SATB2: variants seen among roughly 807,000 people sequenced by gnomAD.
SATB2 encodes DNA-binding protein SATB2.
SATB2 carries 1 observed loss-of-function variant against 73.4 expected under a neutral mutation model. That is an observed-to-expected ratio of 0.01 (90% CI 0.00 to 0.06). The LOEUF is 0.06. Among genes scored for constraint, SATB2 ranks in the 10% least tolerant of loss-of-function variants. SATB2 has a pLI of 1.00. For missense variants in SATB2, 459 were observed against 945.8 expected, an observed-to-expected ratio of 0.49 and a Z score of 6.75; for synonymous variants, 397 against 367.0, an observed-to-expected ratio of 1.08 and a Z score of -0.93.
At chr2:199,390,035 G>T (rs1055580926) in intron 3 of SATB2, among the ~76,000 whole-genome samples, 3 of 151,464 alleles carry the variant, frequency 2.0e-5, no homozygotes, top group African/African-American at 7.3e-5. Flanking sequence ...ACTTTTATTA[G>T]ATTATTTAAT....
rs558540801 is a variant in SATB2, at chr2:199,407,543, A to C, written c.347-25723T>G. On this transcript the variant is annotated intron_variant, in intron 3 of 10. Transcript: ENST00000417098. ...AACCTCTAACTTTGACAAAGTTATT[A>C]AGTGAAGTCAGGAACTCAATGATGA... 9.5e-4 allele frequency among the ~76,000 whole-genome samples: 145 copies of C among 152,310 alleles called. 1 individual carries two copies. Among genetic ancestry groups the C allele is most frequent in the Non-Finnish European group, 9.4e-4 (64 of 68,016 alleles).
chr2:199,366,479 G>A (rs1195282771), intron 6 of SATB2, among the ~76,000 whole-genome samples: 1 of 151,692 alleles, frequency 6.6e-6, no homozygotes, highest in East Asian at 1.9e-4. Context: ...CACTTCTCTG[G>A]GTGTTTATTT....
At chr2:199,286,929 T>G (rs1692706828) in intron 10 of SATB2, among the ~76,000 whole-genome samples, 1 of 152,176 alleles carries the variant, frequency 6.6e-6, no homozygotes, top group Admixed American at 6.6e-5. Flanking sequence ...AAGAAGATAC[T>G]CTTAAGTTAA....
At chr2:199,432,019 G>C (rs1433817550) in intron 3 of SATB2, among the ~76,000 whole-genome samples, 1 of 152,192 alleles carries the variant, frequency 6.6e-6, no homozygotes, top group East Asian at 1.9e-4. Context: ...ATCAAATCGT[G>C]AATCCCTCAC....
chr2:199,403,883 T>C (rs1474189892), intron 3 of SATB2, among the ~76,000 whole-genome samples: 2 of 152,192 alleles, frequency 1.3e-5, no homozygotes, highest in African/African-American at 4.8e-5. Flanking sequence ...AGCAAACATC[T>C]ACACAGTGCC....
chr2:199,381,591 T>C (rs754257667), intron 4 of SATB2, 103 bp downstream of exon 4: 38 of 1,482,092 alleles, frequency 2.6e-5, no homozygotes, highest in Non-Finnish European at 3.3e-5. Flanking sequence ...TTTTGTCCAA[T>C]GTCCAGAAAT....
In SATB2 at chr2:199,348,471, T is replaced by A. The variant is rs1008877542; in HGVS notation, c.1173+230A>T. ...GTAACATTTGGGGTCCTGAGTTGCATGTTGGGTTCAAAGATGTCCATTACC... is the reference window on the plus strand; with the variant it reads ...GTAACATTTGGGGTCCTGAGTTGCAAGTTGGGTTCAAAGATGTCCATTACC... On this transcript the variant is annotated intron_variant, in intron 7 of 10. Transcript: ENST00000417098. The A allele has an allele frequency of 2.8e-5, 15 of 541,978 alleles. No homozygotes were observed. The African/African-American group carries it at 2.9e-4, about 10-fold the overall frequency. 33.6% of individuals were successfully genotyped at this position (541,978 alleles called of 1,614,324 possible).
intron 3 of SATB2, among the ~76,000 whole-genome samples, chr2:199,401,550 AC>A (rs1690478624): frequency 6.6e-6 from 1 of 152,046 alleles, no homozygotes; most frequent in South Asian, 2.1e-4. Context: ...AAAAAAAAAA[AC>A]AAAAAGAAAG....
intron 6 of SATB2, among the ~76,000 whole-genome samples, chr2:199,351,873 G>A (rs1688828618): frequency 6.6e-6 from 1 of 151,854 alleles, no homozygotes; most frequent in Non-Finnish European, 1.5e-5. Context: ...TCATTTTTTG[G>A]TGGGGGGAGG....
At chr2:199,285,880 T>TG (rs2105733697) in intron 10 of SATB2, among the ~76,000 whole-genome samples, 1 of 150,550 alleles carries the variant, frequency 6.6e-6, no homozygotes, top group African/African-American at 2.4e-5. Flanking sequence ...TTAGTCTGTT[T>TG]TTTTTTTTTT....
chr2:199,371,043 A>G (rs1273068225), intron 5 of SATB2, among the ~76,000 whole-genome samples: 1 of 152,080 alleles, frequency 6.6e-6, no homozygotes, highest in Non-Finnish European at 1.5e-5. Flanking sequence ...CATTTTATTC[A>G]TATCAACTCC....
chr2:199,390,285 A>G (rs977546220), intron 3 of SATB2, among the ~76,000 whole-genome samples: 2 of 152,176 alleles, frequency 1.3e-5, no homozygotes, highest in African/African-American at 4.8e-5. Context: ...ATTTAAAACT[A>G]TTACATGGAG....
intron 2 of SATB2, among the ~76,000 whole-genome samples, chr2:199,452,490 T>A (rs1176620616): frequency 6.6e-6 from 1 of 152,154 alleles, no homozygotes; most frequent in Non-Finnish European, 1.5e-5. Flanking sequence ...GTAAAAAGGA[T>A]CATCTGATTC....
At chr2:199,362,349 C>T (rs1171817160) in intron 6 of SATB2, among the ~76,000 whole-genome samples, 1 of 146,504 alleles carries the variant, frequency 6.8e-6, no homozygotes, top group Non-Finnish European at 1.5e-5. Context: ...GCTGTCTCTC[C>T]CTAACCGCCC....
chr2:199,314,136 G>A (rs1415765366), intron 9 of SATB2, among the ~76,000 whole-genome samples: 9 of 152,118 alleles, frequency 5.9e-5, no homozygotes, highest in African/African-American at 2.2e-4. Flanking sequence ...TTTTAGGGGT[G>A]GGTATGTCTG....
rs758257946 is a variant in SATB2, at chr2:199,455,765, C to T, written c.169+104G>A. On this transcript the variant is annotated intron_variant, in intron 2 of 10. Coordinates refer to ENST00000417098, the MANE Select transcript of SATB2 (RefSeq NM_001172509.2). This position sits in a 1 kb window ranked among gnomAD's most constrained non-coding sequence, Gnocchi z 4.1. ...TTATTTGGCAACCTGGAATTCACTTCCTGTAATCCTACACCGCGACAGCGC... is the reference window on the plus strand; with the variant it reads ...TTATTTGGCAACCTGGAATTCACTTTCTGTAATCCTACACCGCGACAGCGC... 1,891 of 1,310,412 alleles carry T rather than the reference C, an allele frequency of 1.4e-3. 1 individual carries two copies. Among genetic ancestry groups the T allele is most frequent in the Non-Finnish European group, 1.8e-3 (1,723 of 946,892 alleles). 81.2% of individuals were successfully genotyped at this position (1,310,412 alleles called of 1,614,324 possible).
chr2:199,447,360 G>A lies in SATB2; in HGVS notation c.169+8509C>T, dbSNP rs1691995043. ...TGACAGTCAGGTGAGTACACCTCAG[G>A]TGATGTGCCCACAGAGCAACTCAGG... On this transcript the variant is annotated intron_variant, in intron 2 of 10. Transcript: ENST00000417098. 1.3e-5 allele frequency among the ~76,000 whole-genome samples: 2 copies of A among 152,172 alleles called. 1 individual carries two copies. Among genetic ancestry groups the A allele is most frequent in the South Asian group, 4.1e-4 (2 of 4,826 alleles).
intron 10 of SATB2, among the ~76,000 whole-genome samples, chr2:199,302,973 T>C (rs772613549): frequency 3.3e-5 from 5 of 152,204 alleles, no homozygotes; most frequent in Non-Finnish European, 5.9e-5. Flanking sequence ...TGGGTTTCAG[T>C]GCATTAGGTG....
At chr2:199,345,139 G>C (rs951031565) in intron 7 of SATB2, among the ~76,000 whole-genome samples, 3 of 151,974 alleles carry the variant, frequency 2.0e-5, no homozygotes, top group Non-Finnish European at 4.4e-5. Flanking sequence ...GCTGCTGCTG[G>C]TGGTGGTGAT....
Sources: gnomAD v4.1 joint callset for allele counts (sites outside exome capture counted in the v4.1 genomes callset) on GRCh38, gnomAD v4.1.1 for gene constraint, Gnocchi (gnomAD v3.1) non-coding constraint, MANE v1.5 for transcripts, NCBI Gene and HGNC (gene_info 2026-07-23, HGNC 2026-07-21) for gene names.